CREB5: variants seen among roughly 807,000 people sequenced by gnomAD.
CREB5 encodes cAMP responsive element binding protein 5.
A neutral mutation model predicts 57.1 loss-of-function variants in CREB5; 19 were observed. The observed-to-expected ratio is 0.33, with a 90% CI of 0.23 to 0.49. CREB5 has a LOEUF of 0.49. Among genes scored for constraint, CREB5 ranks in the 20% least tolerant of loss-of-function variants. The pLI is 0.99. For missense variants in CREB5, 579 were observed against 671.6 expected, an observed-to-expected ratio of 0.86 and a Z score of 1.52; for synonymous variants, 238 against 238.3, an observed-to-expected ratio of 1.00 and a Z score of 0.01.
intron 5 of CREB5, among the ~76,000 whole-genome samples, chr7:28,620,914 C>A (rs1447303694): frequency 6.6e-6 from 1 of 152,076 alleles, no homozygotes; most frequent in South Asian, 2.1e-4. Flanking sequence ...TTTCGCAAAC[C>A]CAATAAGAAG....
chr7:28,453,818 T>C (rs980964705), intron 1 of CREB5, among the ~76,000 whole-genome samples: 1 of 152,254 alleles, frequency 6.6e-6, no homozygotes, highest in South Asian at 2.1e-4. Flanking sequence ...GGCATTGCGA[T>C]GAAACAAAAT....
rs1241063581 is a variant in CREB5 at position 28,809,183 on chromosome 7, G to GC, written c.1027-3dup. The stretch of plus-strand genomic sequence containing the variant: ...CATCACCTCCTCCCTCTCTGGCCCA[G>GC]CAGGTTTCACCAGCAACACAACAGA... On this transcript the variant is annotated splice_region_variant and splice_polypyrimidine_tract_variant and intron_variant, in intron 8 of 10. Transcript: ENST00000357727. 1.2e-6 allele frequency: 2 copies of GC among 1,607,028 alleles called. No individual in the cohort carries two copies. The highest frequency in any genetic ancestry group is 2.7e-5 in the African/African-American group (2 of 74,774).
chr7:28,642,981 C>T (rs867482427), intron 5 of CREB5, among the ~76,000 whole-genome samples: 174 of 105,830 alleles, frequency 1.6e-3, no homozygotes, highest in African/African-American at 2.7e-3. Context: ...CACACACACA[C>T]ACACATACAC....
chr7:28,788,522 G>A (rs1034262431), intron 7 of CREB5, among the ~76,000 whole-genome samples: 5 of 152,182 alleles, frequency 3.3e-5, no homozygotes, highest in African/African-American at 7.2e-5. Flanking sequence ...ACAGTGCATC[G>A]CAGGCAATGG....
intron 1 of CREB5, among the ~76,000 whole-genome samples, chr7:28,366,196 A>G (rs1446978534): frequency 1.3e-5 from 2 of 152,206 alleles, no homozygotes; most frequent in Non-Finnish European, 2.9e-5. Flanking sequence ...TGATTATATA[A>G]ATTGAAGTTA....
At chr7:28,716,028 A>G (rs1802666958) in intron 5 of CREB5, among the ~76,000 whole-genome samples, 1 of 152,198 alleles carries the variant, frequency 6.6e-6, no homozygotes, top group Non-Finnish European at 1.5e-5. Flanking sequence ...CTATTTATAT[A>G]ACTGAGAGTT....
Position 28,777,984 on chromosome 7 carries a change from CACAT to C in CREB5, c.703-26212_703-26209del, listed in dbSNP as rs1342670648. ...TAATTTCTCTGGTTGAATGACATGT[CACAT>C]ACTAATTTACTGTGATTTATGGAAC... On this transcript the variant is annotated intron_variant, in intron 7 of 10. Transcript: ENST00000357727. Among the ~76,000 whole-genome samples, 4 of 152,264 alleles carry C rather than the reference CACAT, an allele frequency of 2.6e-5. No homozygotes were observed. In the East Asian group the frequency reaches 7.7e-4, roughly 29 times the overall value.
chr7:28,731,617 G>A (rs1200691693), intron 7 of CREB5, among the ~76,000 whole-genome samples: 2 of 152,232 alleles, frequency 1.3e-5, no homozygotes, highest in African/African-American at 4.8e-5. Flanking sequence ...CCAGGTTCCT[G>A]ATTTTCAAGT....
chr7:28,408,330 G>A (rs1369527517), upstream of CREB5, among the ~76,000 whole-genome samples: 1 of 152,230 alleles, frequency 6.6e-6, no homozygotes, highest in East Asian at 1.9e-4. Context: ...GGCATTGGTC[G>A]TCTAGAATCG....
chr7:28,718,859 T>A lies in CREB5; in HGVS notation c.571T>A (p.Ser191Thr). Residue 191 changes from serine to threonine, a missense_variant, in exon 6 of 11, where the codon TCT becomes ACT. Coordinates refer to ENST00000357727, the MANE Select transcript of CREB5 (RefSeq NM_182898.4). The stretch of plus-strand genomic sequence containing the variant: ...CCTGCCCAACCCTACAATGCCAGGA[T>A]CTTCCGCCGTCTTGATGCCAGTAAG... ...GTLPNPTMPG[S>T]SAVLMPMERQ... The A allele has an allele frequency of 6.2e-7, 1 of 1,614,100 alleles. No individual in the cohort carries two copies. Among genetic ancestry groups the A allele is most frequent in the East Asian group, 2.2e-5 (1 of 44,882 alleles).
At chr7:28,485,641 T>A (rs1006448067) in intron 1 of CREB5, among the ~76,000 whole-genome samples, 1 of 152,132 alleles carries the variant, frequency 6.6e-6, no homozygotes, top group South Asian at 2.1e-4. Flanking sequence ...TATTAAGGTA[T>A]GGACCTTAGG....
chr7:28,482,615 C>A (rs751277409), intron 1 of CREB5, among the ~76,000 whole-genome samples: 9 of 152,216 alleles, frequency 5.9e-5, no homozygotes, highest in Non-Finnish European at 1.3e-4. Context: ...GCAGAAAGAT[C>A]TGTTTCGTGT....
At chr7:28,547,663 G>A (rs1348879561) in intron 4 of CREB5, among the ~76,000 whole-genome samples, 1 of 152,162 alleles carries the variant, frequency 6.6e-6, no homozygotes, top group Non-Finnish European at 1.5e-5. Flanking sequence ...GGTCACCATA[G>A]CCTAGCTAAG....
At chr7:28,720,767 A>G (rs1802986542) in intron 6 of CREB5, among the ~76,000 whole-genome samples, 1 of 152,164 alleles carries the variant, frequency 6.6e-6, no homozygotes, top group African/African-American at 2.4e-5. Context: ...CCAACCAACT[A>G]CGTGAAGACT....
At chr7:28,598,561 G>T (rs1796781559) in intron 5 of CREB5, among the ~76,000 whole-genome samples, 1 of 152,072 alleles carries the variant, frequency 6.6e-6, no homozygotes, top group South Asian at 2.1e-4. Flanking sequence ...TGATGCATTG[G>T]GTCATTCCTT....
chr7:28,313,802 G>T (rs996357575), intron 1 of CREB5, among the ~76,000 whole-genome samples: 1 of 152,172 alleles, frequency 6.6e-6, no homozygotes. Flanking sequence ...TGGCACACAC[G>T]CCACTTGCTG....
At chr7:28,466,238 C>T (rs991916717) in intron 1 of CREB5, among the ~76,000 whole-genome samples, 1 of 143,472 alleles carries the variant, frequency 7.0e-6, no homozygotes, top group African/African-American at 2.6e-5. Flanking sequence ...AAAAAAAGCT[C>T]CAAAATGTTT....
chr7:28,398,724 A>T (rs183567553), intron 1 of CREB5, among the ~76,000 whole-genome samples: 15 of 152,084 alleles, frequency 9.9e-5, no homozygotes, highest in African/African-American at 3.1e-4. Context: ...TATTATTATT[A>T]TTTTTGAGAC....
intron 5 of CREB5, among the ~76,000 whole-genome samples, chr7:28,636,730 C>A (rs1798434864): frequency 6.6e-6 from 1 of 152,142 alleles, no homozygotes; most frequent in Admixed American, 6.5e-5. Flanking sequence ...CTTGGAAAAT[C>A]TCATGTTTGT....
Sources: allele counts gnomAD v4.1 joint callset (sites outside exome capture counted in the v4.1 genomes callset), GRCh38; gene constraint gnomAD v4.1.1; transcripts MANE v1.5; gene names NCBI Gene and HGNC (gene_info 2026-07-23, HGNC 2026-07-21).